The following UGGT1 variants were observed in gnomAD, a reference collection of about 807,000 sequenced individuals.
UGGT1 encodes UDP-glucose glycoprotein glucosyltransferase 1.
A neutral mutation model predicts 203.9 loss-of-function variants in UGGT1; 107 were observed. The ratio of observed to expected loss-of-function variants is 0.52; its 90% CI spans 0.45 to 0.62. The LOEUF (loss-of-function observed/expected upper bound fraction) is 0.62, where lower values mean the gene tolerates loss of function less well. UGGT1 is among the 20% of genes least tolerant of loss of function. UGGT1 has a pLI of 0.00. For synonymous variants in UGGT1, 628 were observed against 653.5 expected (o/e 0.96, Z 0.59); for missense variants, 1,673 against 1,867.2 (o/e 0.90, Z 1.92).
intron 1 of UGGT1, 147 bp from the exon 2 acceptor site, chr2:128,097,282 A>C (rs1393593149): frequency 1.2e-6 from 1 of 840,042 alleles, no homozygotes; most frequent in Non-Finnish European, 1.8e-6. Context: ...AGGCTGAGGC[A>C]GGAGAATCGC....
At chr2:128,169,644 T>G (rs569096639) in intron 26 of UGGT1, among the ~76,000 whole-genome samples, 2 of 152,360 alleles carry the variant, frequency 1.3e-5, no homozygotes, top group South Asian at 4.1e-4. Flanking sequence ...TGTCCAGCAG[T>G]AAAGAAAAGC....
intron 21 of UGGT1, 72 bp downstream of exon 21, chr2:128,156,487 A>G (rs1181354892): frequency 1.7e-6 from 2 of 1,167,216 alleles, no homozygotes; most frequent in African/African-American, 3.1e-5. Context: ...GTAATTTAGA[A>G]TTTATCAACA....
chr2:128,177,936 A>G lies in UGGT1; in HGVS notation c.3713+16A>G, dbSNP rs918052968. Reference sequence around the variant, plus strand: ...CCTTCAAATGGTAAGTTGACATTGTAAGAGTTATGTTTTTAAGGAAAAACT... The same window carrying G: ...CCTTCAAATGGTAAGTTGACATTGTGAGAGTTATGTTTTTAAGGAAAAACT... On this transcript the variant is annotated intron_variant, in intron 33 of 40. Transcript: ENST00000259253. 1.3e-6 allele frequency: 2 copies of G among 1,581,122 alleles called. No homozygotes were observed. The highest frequency in any genetic ancestry group is 2.7e-5 in the African/African-American group (2 of 73,314).
intron 6 of UGGT1, 120 bp downstream of exon 6, chr2:128,113,378 C>T (rs4662776): frequency 0.95 from 787,176 of 831,822 alleles, 374,519 homozygotes; most frequent in Non-Finnish European, 0.98. Context: ...CCTTTTTTGA[C>T]AAATCCAGTA....
At chr2:128,183,107 C>T (rs983162056) in intron 37 of UGGT1, among the ~76,000 whole-genome samples, 9 of 152,140 alleles carry the variant, frequency 5.9e-5, no homozygotes, top group Middle Eastern at 3.2e-3. Context: ...AATTCCTAGA[C>T]GTAGACCTTT....
At chr2:128,155,960 G>C (rs989718977) in intron 20 of UGGT1, among the ~76,000 whole-genome samples, 1 of 152,170 alleles carries the variant, frequency 6.6e-6, no homozygotes, top group Non-Finnish European at 1.5e-5. Context: ...AGATAAAGTT[G>C]GTTTTAGAAA....
At chr2:128,170,463 C>A in intron 27 of UGGT1, 73 bp downstream of exon 27, 2 of 1,334,454 alleles carry the variant, frequency 1.5e-6, no homozygotes, top group Non-Finnish European at 2.1e-6. Context: ...TCACTGAGAG[C>A]TTCGTTTTCC....
chr2:128,185,182 A>G (rs1573636533), intron 38 of UGGT1, among the ~76,000 whole-genome samples: 2 of 149,678 alleles, frequency 1.3e-5, no homozygotes. Context: ...GTATCACCCA[A>G]CAGTATTTGT....
In UGGT1 at chr2:128,192,430, T is replaced by C. The variant is rs1692311695; in HGVS notation, c.*2688T>C. 1 of 152,260 alleles carries C rather than the reference T, an allele frequency of 6.6e-6. No individual in the cohort carries two copies. Among genetic ancestry groups the C allele is most frequent in the Admixed American group, 6.5e-5 (1 of 15,282 alleles). 9.4% of individuals were successfully genotyped at this position (152,260 alleles called of 1,614,324 possible). A position where few individuals can be genotyped will look rare whatever the true frequency, so the allele number is the denominator to read the frequency against. On this transcript the variant is annotated 3_prime_UTR_variant, in exon 41 of 41. Coordinates refer to ENST00000259253, the MANE Select transcript of UGGT1 (RefSeq NM_020120.4). ...CCCAAGAAGTAAGAATTGATTGTGC[T>C]GAATGTTCAAACTCTGGAAACTGTT...
chr2:128,180,681 A>T (rs966939138), intron 35 of UGGT1, among the ~76,000 whole-genome samples: 3 of 152,242 alleles, frequency 2.0e-5, no homozygotes, highest in Non-Finnish European at 2.9e-5. Context: ...TCATGTGGTG[A>T]CCAGAAGTCA....
Position 128,189,892 on chromosome 2 carries a change from G to A in UGGT1, c.*150G>A. The A allele has an allele frequency of 1.3e-6, 1 of 797,312 alleles. No homozygotes were observed. Among genetic ancestry groups the A allele is most frequent in the Non-Finnish European group, 2.0e-6 (1 of 505,180 alleles). 49.4% of individuals were successfully genotyped at this position (797,312 alleles called of 1,614,324 possible). A position where few individuals can be genotyped will look rare whatever the true frequency, so the allele number is the denominator to read the frequency against. ...TTCTGAGCATTTGATTCTGACTTCT[G>A]TACTCTGGTGGCCACTGGATCTTTG... On this transcript the variant is annotated 3_prime_UTR_variant, in exon 41 of 41. Coordinates refer to ENST00000259253, the MANE Select transcript of UGGT1 (RefSeq NM_020120.4).
chr2:128,142,128 GT>G (rs1256755201), intron 16 of UGGT1, among the ~76,000 whole-genome samples: 1 of 151,642 alleles, frequency 6.6e-6, no homozygotes, highest in African/African-American at 2.4e-5. Context: ...TTTTAGTAGG[GT>G]TTCAGCATGT....
chr2:128,094,856 C>T (rs1354080019), intron 1 of UGGT1, among the ~76,000 whole-genome samples: 1 of 149,522 alleles, frequency 6.7e-6, no homozygotes, highest in African/African-American at 2.5e-5. Context: ...TCAAGCGATT[C>T]TCCTGCCTCA....
At position 128,107,925 on chromosome 2, in the gene UGGT1, TCTTC is replaced by T. The variant is rs757399760; in HGVS notation, c.278-9_278-6del. 167 of 1,613,932 alleles carry T rather than the reference TCTTC, an allele frequency of 1.0e-4. No homozygotes were observed. Among genetic ancestry groups the T allele is most frequent in the Non-Finnish European group, 1.4e-4 (160 of 1,179,962 alleles). On this transcript the variant is annotated splice_polypyrimidine_tract_variant and intron_variant, in intron 3 of 40. Transcript: ENST00000259253. ...CATACGCAATTACTTTGGTTAATGT[TCTTC>T]CTTGACAGGTACCGATTATTCCTAC... is the stretch of plus-strand genomic sequence containing the variant.
At chr2:128,171,008 C>T (rs1000790525) in intron 27 of UGGT1, among the ~76,000 whole-genome samples, 197 bp from the exon 28 acceptor site, 2 of 152,200 alleles carry the variant, frequency 1.3e-5, no homozygotes, top group Non-Finnish European at 2.9e-5. Flanking sequence ...AGCCTACTTC[C>T]CATTGCTTTT....
chr2:128,144,851 G>A (rs1216294685), intron 17 of UGGT1, among the ~76,000 whole-genome samples: 2 of 152,140 alleles, frequency 1.3e-5, no homozygotes, highest in African/African-American at 4.8e-5. Context: ...ATTAAATTCT[G>A]CTATTTTCAG....
rs1692163371 is a variant in UGGT1, at chr2:128,189,744, C to A, written c.*2C>A. The A allele has an allele frequency of 1.9e-6, 3 of 1,612,838 alleles. No individual in the cohort carries two copies. Among genetic ancestry groups the A allele is most frequent in the Admixed American group, 1.7e-5 (1 of 59,936 alleles). On this transcript the variant is annotated 3_prime_UTR_variant, in exon 41 of 41. Transcript: ENST00000259253. ...CCTCAGAAACGTGAAGAATTATGAT[C>A]TCTGGAGAAGGACAGGAAATCACCC... is the stretch of plus-strand genomic sequence containing the variant.
At chr2:128,117,589 G>A (rs1383367141) in intron 8 of UGGT1, among the ~76,000 whole-genome samples, 6 of 141,874 alleles carry the variant, frequency 4.2e-5, no homozygotes, top group South Asian at 2.2e-4. Context: ...TGTTGCCTAG[G>A]CTGGAGTGCA....
At chr2:128,179,093 G>A (rs533597668) in intron 34 of UGGT1, among the ~76,000 whole-genome samples, 22 of 152,270 alleles carry the variant, frequency 1.4e-4, no homozygotes, top group African/African-American at 5.3e-4. Context: ...GTGGTCACCA[G>A]AGGCACTGTC....
Sources: gnomAD v4.1 joint callset for allele counts (sites outside exome capture counted in the v4.1 genomes callset) on GRCh38, gnomAD v4.1.1 for gene constraint, MANE v1.5 for transcripts, NCBI Gene and HGNC (gene_info 2026-07-23, HGNC 2026-07-21) for gene names.